Variants in PRMT2 observed in about 807,000 individuals in gnomAD.
PRMT2 encodes the protein protein arginine methyltransferase 2, also known as protein arginine N-methyltransferase 2.
PRMT2 carries 26 observed loss-of-function variants against 57.6 expected under a neutral mutation model. That is an observed-to-expected ratio of 0.45 (90% CI 0.33 to 0.63). The LOEUF is 0.63. Among genes scored for constraint, PRMT2 ranks in the 20% least tolerant of loss-of-function variants. PRMT2 has a pLI of 0.02. For missense variants in PRMT2, 472 were observed against 564.4 expected, an observed-to-expected ratio of 0.84 and a Z score of 1.66; for synonymous variants, 219 against 220.0, an observed-to-expected ratio of 1.00 and a Z score of 0.04.
intron 7 of PRMT2, among the ~76,000 whole-genome samples, chr21:46,651,617 C>T (rs1020539847): frequency 6.6e-6 from 1 of 151,924 alleles, no homozygotes; most frequent in East Asian, 1.9e-4. Context: ...CAGACTCCCC[C>T]CCAGGGAGAC....
chr21:46,637,781 G>GTATATACATATA (rs1357737562), intron 3 of PRMT2, among the ~76,000 whole-genome samples: 8 of 148,552 alleles, frequency 5.4e-5, no homozygotes, highest in African/African-American at 2.1e-4. Context: ...ATATGTGTGT[G>GTATATACATATA]TGTGTGTGTA....
chr21:46,654,077 C>G lies in PRMT2; in HGVS notation c.654+4338C>G, dbSNP rs558588907. ...GAGGAGGAGCTGGTGGGTGCTGAGA[C>G]TGCAGTGTCCTCCTTCCCAGCAGCT... is the stretch of plus-strand genomic sequence containing the variant. On this transcript the variant is annotated intron_variant, in intron 7 of 11. Transcript: ENST00000355680. 67 of 986,194 alleles carry G rather than the reference C, an allele frequency of 6.8e-5. No homozygotes were observed. The African/African-American group carries it at 1.1e-3, about 16-fold the overall frequency. 61.1% of individuals were successfully genotyped at this position (986,194 alleles called of 1,614,324 possible).
At position 46,649,090 on chromosome 21, in the gene PRMT2, CAGTG is replaced by C. The variant is rs1242701986; in HGVS notation, c.489+472_489+475del. On this transcript the variant is annotated intron_variant, in intron 6 of 11. Transcript: ENST00000355680. The surrounding 1 kb of genome is among the most constrained non-coding windows in gnomAD (Gnocchi z 4.8). ...GCTGCAGCCTTGGAGACTCCTTACA[CAGTG>C]GGTGGGGTCGCAGCACAGTGTCCAC... Among the ~76,000 whole-genome samples, 1 of 152,166 alleles carries C rather than the reference CAGTG, an allele frequency of 6.6e-6. No individual in the cohort carries two copies.
Position 46,649,481 on chromosome 21 carries a change from G to A in PRMT2, c.490-94G>A. On this transcript the variant is annotated intron_variant, in intron 6 of 11. Coordinates refer to ENST00000355680, the MANE Select transcript of PRMT2 (RefSeq NM_206962.4). The surrounding 1 kb of genome is among the most constrained non-coding windows in gnomAD (Gnocchi z 4.8). Reference sequence around the variant, plus strand: ...AATGCTGCTTCCCTCTTGTGTCATTGACCATTTCTCGTGATGCTGGTTGTG... The same window carrying A: ...AATGCTGCTTCCCTCTTGTGTCATTAACCATTTCTCGTGATGCTGGTTGTG... The A allele has an allele frequency of 6.3e-7, 1 of 1,583,424 alleles. No individual in the cohort carries two copies. The highest frequency in any genetic ancestry group is 8.7e-7 in the Non-Finnish European group (1 of 1,155,218).
intron 7 of PRMT2, among the ~76,000 whole-genome samples, chr21:46,650,234 C>T (rs188808824): frequency 6.6e-6 from 1 of 152,114 alleles, no homozygotes; most frequent in Admixed American, 6.5e-5. Flanking sequence ...ATGCCCTGCA[C>T]AAACGCTGTC....
intron 8 of PRMT2, chr21:46,659,244 C>A: frequency 5.6e-6 from 6 of 1,063,416 alleles, no homozygotes; most frequent in Non-Finnish European, 6.8e-6. Flanking sequence ...TCACGCCATA[C>A]GTGAAAACTT....
intron 7 of PRMT2, chr21:46,653,333 T>C (rs2061489882): frequency 1.0e-6 from 1 of 985,450 alleles, no homozygotes; most frequent in African/African-American, 1.7e-5. Context: ...AAGAATTTAA[T>C]TTCATACCAA....
intron 1 of PRMT2, 142 bp from the exon 2 acceptor site, chr21:46,636,297 C>G (rs1459818905): frequency 6.6e-6 from 1 of 152,328 alleles, no homozygotes; most frequent in Non-Finnish European, 1.5e-5. Context: ...CCAGGTCTTC[C>G]AATGAAAATA....
intron 3 of PRMT2, among the ~76,000 whole-genome samples, chr21:46,640,151 G>A (rs1001502762): frequency 3.3e-5 from 5 of 151,886 alleles, no homozygotes; most frequent in African/African-American, 1.2e-4. Flanking sequence ...TCATTTACCA[G>A]CGTCCATATT....
chr21:46,661,571 T>A, intron 9 of PRMT2: 1 of 357,294 alleles, frequency 2.8e-6, no homozygotes, highest in East Asian at 4.2e-5. Context: ...TTCCGCAGAA[T>A]CTGGGGTAGA....
chr21:46,658,892 G>A lies in PRMT2; in HGVS notation c.802G>A (p.Ala268Thr). Residue 268 changes from alanine to threonine, a missense_variant, in exon 8 of 12, where the codon GCG becomes ACG. Ala to Thr is a moderately conservative substitution (Grantham distance 58). Coordinates refer to ENST00000355680, the MANE Select transcript of PRMT2 (RefSeq NM_206962.4). Reference sequence around the variant, plus strand: ...TAGCAAGGTGCTCTTCTGGGACAACGCGTACGAGTTCAACCTCAGCGCTCT... The same window carrying A: ...TAGCAAGGTGCTCTTCTGGGACAACACGTACGAGTTCAACCTCAGCGCTCT... ...YRSKVLFWDNAYEFNLSALKS... is the reference protein window; with the variant it reads ...YRSKVLFWDNTYEFNLSALKS... 6 of 1,614,110 alleles carry A rather than the reference G, an allele frequency of 3.7e-6. No homozygotes were observed. The highest frequency in any genetic ancestry group is 1.1e-5 in the South Asian group (1 of 91,076).
At chr21:46,651,860 C>T (rs2061461036) in intron 7 of PRMT2, 1 of 1,612,952 alleles carries the variant, frequency 6.2e-7, no homozygotes, top group Admixed American at 1.7e-5. Context: ...GTCTGGCCCT[C>T]TTCACGTCCT....
At chr21:46,663,210 CCT>C (rs1383662832) in intron 10 of PRMT2, among the ~76,000 whole-genome samples, 171 bp from the exon 11 acceptor site, 6 of 152,200 alleles carry the variant, frequency 3.9e-5, no homozygotes, top group Non-Finnish European at 7.3e-5. Context: ...GTATATGTTC[CCT>C]GAGTTAGCCT....
chr21:46,658,584 C>G, intron 7 of PRMT2, 161 bp from the exon 8 acceptor site: 1 of 1,315,436 alleles, frequency 7.6e-7, no homozygotes, highest in Non-Finnish European at 1.0e-6. Flanking sequence ...TAAAATAAAC[C>G]CTCGAGATGT....
Position 46,644,462 on chromosome 21 carries a change from G to A in PRMT2, c.301G>A (p.Glu101Lys). ...CCCCGAGGACACGTGGCAGGATGAA[G>A]AGTACTTCGGCAGCTATGGAACTCT... ...YDPEDTWQDE[E>K]YFGSYGTLKL... The change falls in exon 5 of 12, where the codon GAG becomes AAG. Residue 101 changes from glutamate to lysine, a missense_variant. Glu to Lys is a moderately conservative substitution (Grantham distance 56). This residue lies in a region of PRMT2 where 243 missense variants were observed against 347.2 expected (regional missense o/e 0.70). Coordinates refer to ENST00000355680, the MANE Select transcript of PRMT2 (RefSeq NM_206962.4). 1 of 1,590,688 alleles carries A rather than the reference G, an allele frequency of 6.3e-7. No individual in the cohort carries two copies. The highest frequency in any genetic ancestry group is 2.3e-5 in the East Asian group (1 of 44,240).
chr21:46,660,841 C>G lies in PRMT2; in HGVS notation c.839C>G (p.Ala280Gly). 1 of 1,613,674 alleles carries G rather than the reference C, an allele frequency of 6.2e-7. No homozygotes were observed. Among genetic ancestry groups the G allele is most frequent in the Non-Finnish European group, 8.5e-7 (1 of 1,179,828 alleles). The change falls in exon 9 of 12, where the codon GCA becomes GGA. Residue 280 changes from alanine to glycine, a missense_variant. Ala to Gly is a moderately conservative substitution (Grantham distance 60). Transcript: ENST00000355680. ...EFNLSALKSL[A>G]VKEFFSKPKY... Reference sequence around the variant, plus strand: ...TTGACCTTTTCCCCTAGATCTTTAGCAGTTAAGGAGTTTTTTTCAAAGCCC... The same window carrying G: ...TTGACCTTTTCCCCTAGATCTTTAGGAGTTAAGGAGTTTTTTTCAAAGCCC...
At chr21:46,644,170 C>T (rs967569044) in intron 4 of PRMT2, 136 bp from the exon 5 acceptor site, 1 of 813,764 alleles carries the variant, frequency 1.2e-6, no homozygotes, top group Non-Finnish European at 1.9e-6. Context: ...CAAACATTCT[C>T]AGTTGCTGTC....
At chr21:46,661,768 C>T in intron 9 of PRMT2, 32 bp from the exon 10 acceptor site, 2 of 1,316,166 alleles carry the variant, frequency 1.5e-6, no homozygotes, top group Non-Finnish European at 2.0e-6. Flanking sequence ...CCACGCGGTG[C>T]CCACGCGTGC....
intron 3 of PRMT2, among the ~76,000 whole-genome samples, chr21:46,638,819 G>T (rs2061220079): frequency 6.6e-6 from 1 of 151,734 alleles, no homozygotes; most frequent in Admixed American, 6.6e-5. Context: ...TCTTTTCTTA[G>T]GGTTTTATCA....
Sources: gnomAD v4.1 joint callset for allele counts (sites outside exome capture counted in the v4.1 genomes callset) on GRCh38, gnomAD v4.1.1 for gene constraint, gnomAD v4.1.1 regional missense constraint, Gnocchi (gnomAD v3.1) non-coding constraint, MANE v1.5 for transcripts, NCBI Gene and HGNC (gene_info 2026-07-23, HGNC 2026-07-21) for gene names.